The following GTF2H5 variants were observed in gnomAD, a reference collection of about 807,000 sequenced individuals.
The protein encoded by GTF2H5 is general transcription factor IIH subunit 5, also known as TFB5 ortholog.
In GTF2H5, 5 loss-of-function variants were observed where a neutral mutation model predicts 7.1. The observed-to-expected ratio is 0.71, with a 90% CI of 0.37 to 1.49. GTF2H5 has a LOEUF of 1.49. GTF2H5 is among the 40% of genes most tolerant of loss of function. The pLI is 0.03. For synonymous variants in GTF2H5, 30 were observed against 31.7 expected (o/e 0.95, Z 0.18); for missense variants, 80 against 83.0 (o/e 0.96, Z 0.14).
intron 1 of GTF2H5, among the ~76,000 whole-genome samples, chr6:158,169,375 ATAT>A (rs1044034450): frequency 1.1e-5 from 1 of 94,160 alleles, no homozygotes; most frequent in Admixed American, 1.7e-4. Flanking sequence ...TATAATATGT[ATAT>A]TATATATTAT....
chr6:158,187,570 T>TTTTG (rs1197510954), intron 2 of GTF2H5, among the ~76,000 whole-genome samples: 1 of 152,164 alleles, frequency 6.6e-6, no homozygotes, highest in African/African-American at 2.4e-5. Context: ...ATCTCTGTTT[T>TTTTG]TTTGTTTGTT....
intron 2 of GTF2H5, among the ~76,000 whole-genome samples, chr6:158,178,417 A>G (rs888590835): frequency 2.8e-5 from 4 of 141,066 alleles, no homozygotes; most frequent in African/African-American, 1.1e-4. Flanking sequence ...AGATTGTGCC[A>G]CTGCACTCCA....
intron 2 of GTF2H5, among the ~76,000 whole-genome samples, chr6:158,189,893 C>T (rs888210644): frequency 6.6e-6 from 1 of 152,118 alleles, no homozygotes; most frequent in African/African-American, 2.4e-5. Context: ...ATTTTCAGCC[C>T]TTGCTATACC....
At chr6:158,175,010 A>ATGTGTGTG (rs200557393) in intron 2 of GTF2H5, among the ~76,000 whole-genome samples, 5,468 of 138,164 alleles carry the variant, frequency 0.04, 150 homozygotes, top group Non-Finnish European at 0.052. Context: ...TGTGCCTGAG[A>ATGTGTGTG]TGTGTGTGTG....
At chr6:158,186,470 G>A (rs73794543) in intron 2 of GTF2H5, among the ~76,000 whole-genome samples, 2,496 of 152,316 alleles carry the variant, frequency 0.016, 80 homozygotes, top group African/African-American at 0.057. Flanking sequence ...ATGTTTCAAT[G>A]TCCAGTTTGT....
chr6:158,183,728 C>T (rs1203009998), intron 2 of GTF2H5, among the ~76,000 whole-genome samples: 1 of 152,220 alleles, frequency 6.6e-6, no homozygotes, highest in African/African-American at 2.4e-5. Flanking sequence ...AGGGGATCTC[C>T]TGGTCCGCTT....
At chr6:158,179,918 T>G (rs974893409) in intron 2 of GTF2H5, among the ~76,000 whole-genome samples, 4 of 152,132 alleles carry the variant, frequency 2.6e-5, no homozygotes, top group African/African-American at 9.7e-5. Flanking sequence ...CTTGTGCCGG[T>G]TTTCAAAGGG....
intron 2 of GTF2H5, among the ~76,000 whole-genome samples, chr6:158,186,709 A>G (rs1294564030): frequency 1.3e-5 from 2 of 152,248 alleles, no homozygotes; most frequent in Non-Finnish European, 1.5e-5. Context: ...GAGACAAAAT[A>G]TCAATCAATA....
rs1374748183 is a variant in GTF2H5, at chr6:158,198,708, G to GA, written c.*6552dup. ...GGCGTGAGCCAGCGCGCCCGGCCTGGACTTAACTTCTGAAGAACTCTTTCT... is the reference window on the plus strand; with the variant it reads ...GGCGTGAGCCAGCGCGCCCGGCCTGGAACTTAACTTCTGAAGAACTCTTTCT... On this transcript the variant is annotated 3_prime_UTR_variant, in exon 3 of 3. Coordinates refer to ENST00000607778, the MANE Select transcript of GTF2H5 (RefSeq NM_207118.3). The GA allele has an allele frequency of 6.6e-6, 1 of 152,206 alleles. No individual in the cohort carries two copies. Among genetic ancestry groups the GA allele is most frequent in the African/African-American group, 2.4e-5 (1 of 41,442 alleles). 9.4% of individuals were successfully genotyped at this position (152,206 alleles called of 1,614,324 possible).
At chr6:158,178,458 A>AG (rs1785963278) in intron 2 of GTF2H5, among the ~76,000 whole-genome samples, 1 of 66,728 alleles carries the variant, frequency 1.5e-5, no homozygotes, top group South Asian at 4.0e-4. Flanking sequence ...CTCCATCTCA[A>AG]AAAAAAAAAA....
Position 158,192,201 on chromosome 6 carries a change from T to C in GTF2H5, c.*44T>C. 1 of 1,466,392 alleles carries C rather than the reference T, an allele frequency of 6.8e-7. No individual in the cohort carries two copies. Among genetic ancestry groups the C allele is most frequent in the Non-Finnish European group, 9.5e-7 (1 of 1,048,502 alleles). 90.8% of individuals were successfully genotyped at this position (1,466,392 alleles called of 1,614,324 possible). On this transcript the variant is annotated 3_prime_UTR_variant, in exon 3 of 3. Transcript: ENST00000607778. The stretch of plus-strand genomic sequence containing the variant: ...ATTTAGGAATTATAAGCAGCAACTG[T>C]GAAAGACTTGCCACTCAATATCTTA...
At chr6:158,171,304 G>A (rs777306746) in intron 2 of GTF2H5, among the ~76,000 whole-genome samples, 21 of 152,136 alleles carry the variant, frequency 1.4e-4, no homozygotes, top group Non-Finnish European at 2.9e-4. Flanking sequence ...ACTATGCTTT[G>A]AACACATACT....
In GTF2H5 at chr6:158,195,802, C is replaced by T. The variant is rs528143685; in HGVS notation, c.*3645C>T. 119 of 152,248 alleles carry T rather than the reference C, an allele frequency of 7.8e-4. 1 individual carries two copies. The highest frequency in any genetic ancestry group is 2.7e-3 in the African/African-American group (113 of 41,536). 9.4% of individuals were successfully genotyped at this position (152,248 alleles called of 1,614,324 possible). A position where few individuals can be genotyped will look rare whatever the true frequency, so the allele number is the denominator to read the frequency against. On this transcript the variant is annotated 3_prime_UTR_variant, in exon 3 of 3. Coordinates refer to ENST00000607778, the MANE Select transcript of GTF2H5 (RefSeq NM_207118.3). ...GATCATTCTATCTTAACAAACTTAA[C>T]AGATGGGGAAGGGGTATATTTTAAA...
intron 2 of GTF2H5, among the ~76,000 whole-genome samples, 196 bp downstream of exon 2, chr6:158,170,734 A>G (rs891255190): frequency 6.6e-6 from 1 of 152,228 alleles, no homozygotes; most frequent in Admixed American, 6.5e-5. Flanking sequence ...TGGAACTGGC[A>G]TGATCAGAGG....
At chr6:158,184,672 C>T (rs1436760146) in intron 2 of GTF2H5, among the ~76,000 whole-genome samples, 1 of 152,064 alleles carries the variant, frequency 6.6e-6, no homozygotes, top group East Asian at 1.9e-4. Flanking sequence ...CAGTCTACTC[C>T]CAGGATATAT....
At position 158,169,772 on chromosome 6, in the gene GTF2H5, A is replaced by ATATAATATAATGTATATTATATATT. The variant is rs1187068824; in HGVS notation, c.-34-698_-34-697insTATAATATAATGTATATTATATATT. Among the ~76,000 whole-genome samples, 21 of 53,938 alleles carry ATATAATATAATGTATATTATATATT rather than the reference A, an allele frequency of 3.9e-4. 3 individuals are homozygous for ATATAATATAATGTATATTATATATT. Among genetic ancestry groups the ATATAATATAATGTATATTATATATT allele is most frequent in the African/African-American group, 1.9e-3 (21 of 10,824 alleles). The allele number at this position is 53,938 out of a possible 152,430, so 35.4% of individuals were successfully genotyped here. On this transcript the variant is annotated intron_variant, in intron 1 of 2. Transcript: ENST00000607778. ...ATATAATATATTGTATATTATATAT[A>ATATAATATAATGTATATTATATATT]ATATATTGTATATTATATATTATAT...
chr6:158,184,097 C>T (rs754831727), intron 2 of GTF2H5, among the ~76,000 whole-genome samples: 53 of 152,154 alleles, frequency 3.5e-4, no homozygotes, highest in Admixed American at 2.6e-4. Context: ...TGGTTTGATA[C>T]TTAGATTTCC....
intron 2 of GTF2H5, among the ~76,000 whole-genome samples, chr6:158,175,620 T>G (rs1015179427): frequency 6.6e-6 from 1 of 152,042 alleles, no homozygotes; most frequent in Non-Finnish European, 1.5e-5. Flanking sequence ...AAAAATTAGC[T>G]GGGCATGGTG....
At chr6:158,169,578 T>TAC (rs1785764737) in intron 1 of GTF2H5, among the ~76,000 whole-genome samples, 1 of 91,334 alleles carries the variant, frequency 1.1e-5, no homozygotes, top group African/African-American at 4.4e-5. Flanking sequence ...TATTGTATAT[T>TAC]ATATATAATA....
Sources: gnomAD v4.1 joint callset for allele counts (sites outside exome capture counted in the v4.1 genomes callset) on GRCh38, gnomAD v4.1.1 for gene constraint, MANE v1.5 for transcripts, NCBI Gene and HGNC (gene_info 2026-07-23, HGNC 2026-07-21) for gene names.